The following ABTB2 variants were observed in gnomAD, a reference collection of about 807,000 sequenced individuals.
ABTB2 encodes ankyrin repeat and BTB domain containing 2.
A neutral mutation model predicts 104.1 loss-of-function variants in ABTB2; 56 were observed. That is an observed-to-expected ratio of 0.54 (90% CI 0.43 to 0.67). The LOEUF is 0.67. Ranked by LOEUF, ABTB2 falls within the 30% of genes least tolerant of loss-of-function variation. The pLI, the probability that ABTB2 is intolerant of heterozygous loss-of-function variation, is 0.00. For synonymous variants in ABTB2, 606 were observed against 608.2 expected (o/e 1.00, Z 0.05); for missense variants, 1,279 against 1,407.7 (o/e 0.91, Z 1.46).
At chr11:34,207,119 G>C (rs999959405) in intron 1 of ABTB2, among the ~76,000 whole-genome samples, 2 of 152,160 alleles carry the variant, frequency 1.3e-5, no homozygotes, top group Non-Finnish European at 2.9e-5. Context: ...TAAAACAAAA[G>C]GGAAAACCAC....
At chr11:34,349,365 G>A (rs952261755) in intron 1 of ABTB2, among the ~76,000 whole-genome samples, 4 of 152,116 alleles carry the variant, frequency 2.6e-5, no homozygotes, top group Admixed American at 2.0e-4. Context: ...GGGGGTAATC[G>A]AGCCATAACT....
intron 1 of ABTB2, among the ~76,000 whole-genome samples, chr11:34,207,440 C>T (rs1853423125): frequency 6.6e-6 from 1 of 152,198 alleles, no homozygotes; most frequent in Admixed American, 6.5e-5. Context: ...AATTAGGAAC[C>T]TATTATTAAT....
rs1234287662 is a variant in ABTB2 at position 34,248,114 on chromosome 11, A to C, written c.884-43424T>G. 6.2e-4 allele frequency among the ~76,000 whole-genome samples: 78 copies of C among 126,342 alleles called. 4 individuals carry two copies. The East Asian group carries it at 0.011, about 17-fold the overall frequency. 82.9% of individuals were successfully genotyped at this position (126,342 alleles called of 152,430 possible). ...TTTTTCTTAAAAAAAAAAAAAAAAAAAAAAAAAACAGGGTCTTGCCCTGTC... is the reference window on the plus strand; with the variant it reads ...TTTTTCTTAAAAAAAAAAAAAAAAACAAAAAAAACAGGGTCTTGCCCTGTC... On this transcript the variant is annotated intron_variant, in intron 1 of 16. Coordinates refer to ENST00000435224, the MANE Select transcript of ABTB2 (RefSeq NM_145804.3).
intron 2 of ABTB2, among the ~76,000 whole-genome samples, chr11:34,198,289 G>A (rs142028824): frequency 1.3e-5 from 2 of 152,218 alleles, no homozygotes; most frequent in African/African-American, 4.8e-5. Context: ...GTCAGGGATA[G>A]TGGCAGGCGC....
rs144267651 is a variant in ABTB2 at position 34,156,626 on chromosome 11, C to T, written c.2698-1857G>A. Among the ~76,000 whole-genome samples, 389 of 151,834 alleles carry T rather than the reference C, an allele frequency of 2.6e-3. 2 individuals carry two copies. Among genetic ancestry groups the T allele is most frequent in the African/African-American group, 8.3e-3 (344 of 41,366 alleles). On this transcript the variant is annotated intron_variant, in intron 14 of 16. Transcript: ENST00000435224. The stretch of plus-strand genomic sequence containing the variant: ...GCAACCTCCACCTCCTGGGTTCGAG[C>T]GATCCTCCTGCCTCAGCCTCCCAAG...
In ABTB2 at chr11:34,324,583, C is replaced by T. The variant is rs535385549; in HGVS notation, c.883+32118G>A. 7.9e-5 allele frequency among the ~76,000 whole-genome samples: 12 copies of T among 152,338 alleles called. No homozygotes were observed. The South Asian group carries it at 1.9e-3, about 24-fold the overall frequency. On this transcript the variant is annotated intron_variant, in intron 1 of 16. Coordinates refer to ENST00000435224, the MANE Select transcript of ABTB2 (RefSeq NM_145804.3). The stretch of plus-strand genomic sequence containing the variant: ...CTGCCTCTTCAGGAAATGCAAAACC[C>T]AAGCCTACAAATAAACCTCAGCATT...
chr11:34,214,139 AACAC>A (rs10529537), intron 1 of ABTB2, among the ~76,000 whole-genome samples: 20,777 of 139,182 alleles, frequency 0.15, 1,595 homozygotes, highest in East Asian at 0.26. Context: ...GCACATTCAA[AACAC>A]ACACACACAC....
intron 1 of ABTB2, among the ~76,000 whole-genome samples, chr11:34,268,339 C>T (rs1395579919): frequency 6.6e-6 from 1 of 152,310 alleles, no homozygotes; most frequent in South Asian, 2.1e-4. Flanking sequence ...GAATGAGGAA[C>T]ACGAAGCAGA....
At chr11:34,205,478 C>G (rs956273431) in intron 1 of ABTB2, among the ~76,000 whole-genome samples, 1 of 152,164 alleles carries the variant, frequency 6.6e-6, no homozygotes, top group South Asian at 2.1e-4. Flanking sequence ...TACATGTTGG[C>G]TCTTAAGAGC....
intron 2 of ABTB2, among the ~76,000 whole-genome samples, chr11:34,198,050 A>T (rs1853284481): frequency 6.6e-6 from 1 of 152,236 alleles, no homozygotes. Context: ...CTATGTACAA[A>T]GTATGCAATT....
Position 34,161,026 on chromosome 11 carries a change from C to T in ABTB2, c.2274G>A (p.Gln758=). ...WIESLRTSFS[Q]SRYSVVQSLL... ...GGCTCTGCACCACCGAGTACCGCGA[C>T]TGCGAGAACGAGGTCCTCAGAGACT... Residue 758 remains glutamine, a synonymous_variant, in exon 11 of 17, where the codon CAG becomes CAA. Coordinates refer to ENST00000435224, the MANE Select transcript of ABTB2 (RefSeq NM_145804.3). 1 of 1,613,434 alleles carries T rather than the reference C, an allele frequency of 6.2e-7. No individual in the cohort carries two copies. Among genetic ancestry groups the T allele is most frequent in the South Asian group, 1.1e-5 (1 of 91,052 alleles).
At chr11:34,184,290 G>T (rs997815859) in intron 3 of ABTB2, among the ~76,000 whole-genome samples, 5 of 152,230 alleles carry the variant, frequency 3.3e-5, no homozygotes. Context: ...GCACAGGAGA[G>T]TGTTCCAAAT....
intron 1 of ABTB2, among the ~76,000 whole-genome samples, chr11:34,234,583 A>T (rs2611103): frequency 0.022 from 3,349 of 152,318 alleles, 125 homozygotes; most frequent in African/African-American, 0.077. Flanking sequence ...CATTGTGAGA[A>T]CACCTCGGAT....
chr11:34,295,444 C>T (rs1430546536), intron 1 of ABTB2, among the ~76,000 whole-genome samples: 1 of 152,112 alleles, frequency 6.6e-6, no homozygotes, highest in Non-Finnish European at 1.5e-5. Context: ...CTTCTGATTG[C>T]TTCTGTAATA....
At chr11:34,166,881 G>T (rs1321300902) in intron 7 of ABTB2, among the ~76,000 whole-genome samples, 5 of 152,222 alleles carry the variant, frequency 3.3e-5, no homozygotes, top group Non-Finnish European at 2.9e-5. Flanking sequence ...AGTTGGCCCT[G>T]TAGTAGAATT....
chr11:34,156,553 C>T (rs1277461375), intron 14 of ABTB2, among the ~76,000 whole-genome samples: 9 of 147,544 alleles, frequency 6.1e-5, no homozygotes, highest in East Asian at 5.9e-4. Context: ...GACAGAGTTT[C>T]GCTCTTGTCG....
At chr11:34,221,137 AT>A (rs1305053400) in intron 1 of ABTB2, among the ~76,000 whole-genome samples, 1 of 151,982 alleles carries the variant, frequency 6.6e-6, no homozygotes, top group Non-Finnish European at 1.5e-5. Context: ...CGCCCGGCTA[AT>A]TTTTGTATTT....
intron 1 of ABTB2, among the ~76,000 whole-genome samples, chr11:34,216,397 G>A (rs1853549020): frequency 6.6e-6 from 1 of 152,090 alleles, no homozygotes; most frequent in Non-Finnish European, 1.5e-5. Context: ...TTTTAAGAAT[G>A]TCATATAGTT....
chr11:34,297,635 G>A (rs1268286210), intron 1 of ABTB2, among the ~76,000 whole-genome samples: 2 of 151,732 alleles, frequency 1.3e-5, no homozygotes, highest in East Asian at 3.9e-4. Flanking sequence ...GCGTAGTGGC[G>A]CATGCCTGTA....
Sources: gnomAD v4.1 joint callset for allele counts (sites outside exome capture counted in the v4.1 genomes callset) on GRCh38, gnomAD v4.1.1 for gene constraint, MANE v1.5 for transcripts, NCBI Gene and HGNC (gene_info 2026-07-23, HGNC 2026-07-21) for gene names.